DENND2A: variants seen among roughly 807,000 people sequenced by gnomAD.
The protein encoded by DENND2A is DENN domain containing 2A.
In DENND2A, 53 loss-of-function variants were observed where a neutral mutation model predicts 105.3. The ratio of observed to expected loss-of-function variants is 0.50; its 90% CI spans 0.40 to 0.63. DENND2A has a LOEUF of 0.63. Among genes scored for constraint, DENND2A ranks in the 30% least tolerant of loss-of-function variants. DENND2A has a pLI of 0.00. For missense variants in DENND2A, 1,138 were observed against 1,279.6 expected (o/e 0.89, Z 1.69); for synonymous variants, 522 against 508.4 (o/e 1.03, Z -0.36).
At chr7:140,569,506 CAA>C (rs1798001325) in intron 7 of DENND2A, 137 bp downstream of exon 7, 1 of 713,460 alleles carries the variant, frequency 1.4e-6, no homozygotes, top group Admixed American at 2.0e-5. Flanking sequence ...ACCACTGTCC[CAA>C]AGACAGTGCG....
intron 12 of DENND2A, among the ~76,000 whole-genome samples, chr7:140,550,705 A>ACC (rs1176866453): frequency 6.6e-6 from 1 of 151,646 alleles, no homozygotes; most frequent in Non-Finnish European, 1.5e-5. Context: ...TAGGTGATCC[A>ACC]CACCTCGGCC....
intron 3 of DENND2A, among the ~76,000 whole-genome samples, chr7:140,594,830 C>T (rs1315397055): frequency 6.6e-6 from 1 of 152,194 alleles, no homozygotes; most frequent in African/African-American, 2.4e-5. Flanking sequence ...ATTCTCCTGC[C>T]TCAGCCTCTC....
At chr7:140,623,790 T>C (rs2130725326) in intron 1 of DENND2A, among the ~76,000 whole-genome samples, 1 of 151,740 alleles carries the variant, frequency 6.6e-6, no homozygotes, top group African/African-American at 2.4e-5. Flanking sequence ...TGAATTTAAA[T>C]AGGCCACAGT....
At chr7:140,589,144 AG>A (rs905655337) in intron 3 of DENND2A, among the ~76,000 whole-genome samples, 17 of 152,324 alleles carry the variant, frequency 1.1e-4, no homozygotes, top group African/African-American at 4.1e-4. Context: ...GTCTGACCGC[AG>A]GAAGTCTGGT....
chr7:140,563,858 G>A (rs540326481), intron 9 of DENND2A, among the ~76,000 whole-genome samples: 1 of 152,150 alleles, frequency 6.6e-6, no homozygotes, highest in South Asian at 2.1e-4. Flanking sequence ...TGCGCCTGTA[G>A]TCCCAGTTAC....
At chr7:140,522,559 C>T (rs1011075246) in intron 17 of DENND2A, among the ~76,000 whole-genome samples, 4 of 151,926 alleles carry the variant, frequency 2.6e-5, no homozygotes, top group African/African-American at 9.7e-5. Context: ...AGTGATCTGC[C>T]CACCTCGGCC....
intron 1 of DENND2A, among the ~76,000 whole-genome samples, chr7:140,625,151 C>T (rs375692131): frequency 2.0e-5 from 3 of 152,010 alleles, no homozygotes; most frequent in Admixed American, 6.6e-5. Flanking sequence ...CCGAGGCAAG[C>T]GGATCATCTG....
At chr7:140,580,621 G>C (rs551011754) in intron 5 of DENND2A, among the ~76,000 whole-genome samples, 2 of 152,016 alleles carry the variant, frequency 1.3e-5, no homozygotes, top group South Asian at 4.2e-4. Context: ...CACCCAGCCT[G>C]TTATTTTACT....
At chr7:140,638,517 C>T (rs1439738979) in intron 1 of DENND2A, among the ~76,000 whole-genome samples, 2 of 152,168 alleles carry the variant, frequency 1.3e-5, no homozygotes, top group Non-Finnish European at 2.9e-5. Context: ...CTCCAGGCCT[C>T]CCCACCCAAC....
At chr7:140,628,470 A>C (rs1004807074) in intron 1 of DENND2A, among the ~76,000 whole-genome samples, 1 of 151,500 alleles carries the variant, frequency 6.6e-6, no homozygotes, top group Non-Finnish European at 1.5e-5. Flanking sequence ...ATGCCTGGAA[A>C]TGTGCTCATT....
chr7:140,602,063 T>C lies in DENND2A; in HGVS notation c.335A>G (p.Lys112Arg), dbSNP rs1218269220. ...CTGTCCCCCGACGTTCACTGCTCCTTTATTCCTCTCCTTCTCTGTGCTCTC... is the reference window on the plus strand; with the variant it reads ...CTGTCCCCCGACGTTCACTGCTCCTCTATTCCTCTCCTTCTCTGTGCTCTC... ...GTESTEKERN[K>R]GAVNVGGQDP... Residue 112 changes from lysine (K) to arginine (R), a missense_variant, in exon 3 of 20, where the codon AAA becomes AGA. Lys to Arg is a conservative substitution (Grantham distance 26). Coordinates refer to ENST00000496613, the MANE Select transcript of DENND2A (RefSeq NM_015689.5). 4 of 1,614,148 alleles carry C rather than the reference T, an allele frequency of 2.5e-6. No individual in the cohort carries two copies. The highest frequency in any genetic ancestry group is 3.4e-6 in the Non-Finnish European group (4 of 1,180,024).
chr7:140,542,783 C>G (rs946692957), intron 14 of DENND2A, among the ~76,000 whole-genome samples: 1 of 151,938 alleles, frequency 6.6e-6, no homozygotes, highest in Non-Finnish European at 1.5e-5. Flanking sequence ...TCAGGCTGGT[C>G]TTGACCTTCT....
intron 1 of DENND2A, among the ~76,000 whole-genome samples, chr7:140,627,177 A>C: frequency 6.6e-6 from 1 of 152,292 alleles, no homozygotes; most frequent in East Asian, 1.9e-4. Context: ...ATAATGCTCT[A>C]ACATATTATT....
Position 140,626,964 on chromosome 7 carries a change from G to A in DENND2A, c.-248+13540C>T, listed in dbSNP as rs116390280. Among the ~76,000 whole-genome samples the A allele has an allele frequency of 4.4e-3, 671 of 152,236 alleles. 3 individuals are homozygous for A. The highest frequency in any genetic ancestry group is 0.015 in the African/African-American group (620 of 41,546). Reference sequence around the variant, plus strand: ...TGAACTTGGAGAGCTGCGGGACCTCGATCAAGATACATTTCTAAGCCTTAG... The same window carrying A: ...TGAACTTGGAGAGCTGCGGGACCTCAATCAAGATACATTTCTAAGCCTTAG... On this transcript the variant is annotated intron_variant, in intron 1 of 19. Transcript: ENST00000496613.
Position 140,574,023 on chromosome 7 carries a change from GAGAAA to G in DENND2A, c.1246-20_1246-16del. ...GACAATGACTGCTGTGAAGGAAAAG[GAGAAA>G]AGAAGAGTAAATGAATTCAAAGGAG... is the stretch of plus-strand genomic sequence containing the variant. On this transcript the variant is annotated splice_polypyrimidine_tract_variant and intron_variant, in intron 5 of 19. Transcript: ENST00000496613. The G allele has an allele frequency of 6.2e-7, 1 of 1,613,988 alleles. No individual in the cohort carries two copies. Among genetic ancestry groups the G allele is most frequent in the Non-Finnish European group, 8.5e-7 (1 of 1,179,936 alleles).
chr7:140,570,968 T>C (rs1798069510), intron 6 of DENND2A, among the ~76,000 whole-genome samples: 2 of 152,304 alleles, frequency 1.3e-5, no homozygotes, highest in South Asian at 2.1e-4. Context: ...TATCAAAGAG[T>C]ACACGCTCAT....
At chr7:140,624,782 T>C (rs1009122212) in intron 1 of DENND2A, among the ~76,000 whole-genome samples, 1 of 148,292 alleles carries the variant, frequency 6.7e-6, no homozygotes, top group East Asian at 2.0e-4. Context: ...CTGGTGATTG[T>C]TTTTTTTTTA....
intron 1 of DENND2A, among the ~76,000 whole-genome samples, chr7:140,614,268 C>A (rs562968325): frequency 1.3e-5 from 2 of 152,112 alleles, no homozygotes; most frequent in Non-Finnish European, 2.9e-5. Context: ...AGACATCCAG[C>A]TAATTTTTGT....
chr7:140,546,759 AC>A, intron 13 of DENND2A, 39 bp downstream of exon 13: 1 of 1,609,324 alleles, frequency 6.2e-7, no homozygotes. Flanking sequence ...TGTCTGGGCC[AC>A]TGCCTCCCCA....
Sources: allele counts gnomAD v4.1 joint callset (sites outside exome capture counted in the v4.1 genomes callset), GRCh38; gene constraint gnomAD v4.1.1; transcripts MANE v1.5; gene names NCBI Gene and HGNC (gene_info 2026-07-23, HGNC 2026-07-21).